Variants in CPED1 observed in about 807,000 individuals in gnomAD.
CPED1 encodes the protein cadherin-like and PC-esterase domain-containing protein 1.
In CPED1, 114 loss-of-function variants were observed where a neutral mutation model predicts 128.2. The observed-to-expected ratio is 0.89, with a 90% CI of 0.76 to 1.04. The LOEUF is 1.04. Among genes scored for constraint, CPED1 ranks in the 50% least tolerant of loss-of-function variants. The pLI is 0.00. For missense variants in CPED1, 1,211 were observed against 1,207.1 expected, an observed-to-expected ratio of 1.00 and a Z score of -0.05; for synonymous variants, 462 against 426.7, an observed-to-expected ratio of 1.08 and a Z score of -1.02.
At chr7:121,018,437 G>A (rs1792359338) in intron 3 of CPED1, among the ~76,000 whole-genome samples, 2 of 152,066 alleles carry the variant, frequency 1.3e-5, no homozygotes, top group Non-Finnish European at 2.9e-5. Context: ...TGAGCAGCCT[G>A]GGGGAAGAGG....
At chr7:121,204,205 TA>T (rs1226077638) in intron 16 of CPED1, among the ~76,000 whole-genome samples, 1 of 152,038 alleles carries the variant, frequency 6.6e-6, no homozygotes, top group African/African-American at 2.4e-5. Flanking sequence ...CGGGTTAGGT[TA>T]AAAAAAATTA....
chr7:121,244,303 A>C lies in CPED1; in HGVS notation c.2275A>C (p.Lys759Gln), dbSNP rs1393679882. ...CAACTGCCAATATGGTGTCCTAACTAAGCCTCAACTCCAGCAGTGCCTGGG... is the reference window on the plus strand; with the variant it reads ...CAACTGCCAATATGGTGTCCTAACTCAGCCTCAACTCCAGCAGTGCCTGGG... Reference protein sequence around the residue: ...PHNCQYGVLTKPQLQQCLGGR... With the variant: ...PHNCQYGVLTQPQLQQCLGGR... Residue 759 changes from lysine (K) to glutamine (Q), a missense_variant, in exon 18 of 23, where the codon AAG becomes CAG. Coordinates refer to ENST00000310396, the MANE Select transcript of CPED1 (RefSeq NM_024913.5). 1 of 1,614,136 alleles carries C rather than the reference A, an allele frequency of 6.2e-7. No homozygotes were observed. The highest frequency in any genetic ancestry group is 8.5e-7 in the Non-Finnish European group (1 of 1,180,000).
intron 13 of CPED1, among the ~76,000 whole-genome samples, chr7:121,134,937 C>G (rs939323525): frequency 4.0e-5 from 6 of 151,642 alleles, no homozygotes; most frequent in Non-Finnish European, 7.4e-5. Context: ...CATAAATTAT[C>G]AACAAATTAA....
intron 4 of CPED1, among the ~76,000 whole-genome samples, chr7:121,056,079 A>G (rs896474296): frequency 6.6e-6 from 1 of 152,264 alleles, no homozygotes; most frequent in South Asian, 2.1e-4. Flanking sequence ...ATGATTAATC[A>G]CATGGAAATG....
intron 17 of CPED1, among the ~76,000 whole-genome samples, chr7:121,238,780 CATT>C (rs1340831116): frequency 6.6e-6 from 1 of 150,564 alleles, no homozygotes; most frequent in East Asian, 1.9e-4. Flanking sequence ...ACAGTGTACT[CATT>C]AATACATCAA....
intron 7 of CPED1, among the ~76,000 whole-genome samples, chr7:121,122,933 CTG>C (rs1262421137): frequency 6.6e-6 from 1 of 152,076 alleles, no homozygotes; most frequent in African/African-American, 2.4e-5. Flanking sequence ...ACCTTAACCT[CTG>C]TGATATTCAG....
chr7:121,284,272 C>T (rs1286115537), intron 22 of CPED1, among the ~76,000 whole-genome samples: 3 of 152,132 alleles, frequency 2.0e-5, no homozygotes, highest in Middle Eastern at 3.2e-3. Flanking sequence ...ATACCTCCCA[C>T]GAGGTCCCTC....
Position 121,295,776 on chromosome 7 carries a change from C to A in CPED1, c.*124C>A. 1 of 673,916 alleles carries A rather than the reference C, an allele frequency of 1.5e-6. No individual in the cohort carries two copies. The allele number at this position is 673,916 out of a possible 1,614,324, so 41.7% of individuals were successfully genotyped here. ...GACCACACACACTTGTGCACACCAG[C>A]ACATGCATGCACACCAGTACACACA... is the stretch of plus-strand genomic sequence containing the variant. On this transcript the variant is annotated 3_prime_UTR_variant, in exon 23 of 23. Coordinates refer to ENST00000310396, the MANE Select transcript of CPED1 (RefSeq NM_024913.5).
At chr7:121,015,466 T>C (rs1792277058) in intron 2 of CPED1, among the ~76,000 whole-genome samples, 199 bp from the exon 3 acceptor site, 1 of 152,250 alleles carries the variant, frequency 6.6e-6, no homozygotes, top group Non-Finnish European at 1.5e-5. Flanking sequence ...TCTGTTACAG[T>C]GAGGACAATT....
chr7:120,994,003 G>T (rs1321678512), intron 2 of CPED1: 1 of 283,496 alleles, frequency 3.5e-6, no homozygotes, highest in Non-Finnish European at 7.4e-6. Context: ...TTTTCAATCA[G>T]TACTGTGAGT....
In CPED1 at chr7:121,123,714, G is replaced by T. The variant is rs577200764; in HGVS notation, c.919-617G>T. ...TTTTTGTAATACTGCCCTATCACAT[G>T]AAATAATTAAGAATTAAAACATTAA... On this transcript the variant is annotated intron_variant, in intron 7 of 22. Coordinates refer to ENST00000310396, the MANE Select transcript of CPED1 (RefSeq NM_024913.5). Among the ~76,000 whole-genome samples, 209 of 152,196 alleles carry T rather than the reference G, an allele frequency of 1.4e-3. 1 individual carries two copies. The highest frequency in any genetic ancestry group is 6.4e-3 in the Admixed American group (98 of 15,282).
intron 16 of CPED1, among the ~76,000 whole-genome samples, chr7:121,233,749 A>G (rs1438947558): frequency 6.6e-6 from 1 of 152,082 alleles, no homozygotes; most frequent in East Asian, 1.9e-4. Flanking sequence ...TGTGGCATTT[A>G]AATTATAAGT....
At chr7:121,266,593 T>C in intron 19 of CPED1, 114 bp from the exon 20 acceptor site, 1 of 1,159,378 alleles carries the variant, frequency 8.6e-7, no homozygotes, top group East Asian at 2.4e-5. Context: ...AGTTGGAAAG[T>C]ACAAGGAGTC....
intron 3 of CPED1, among the ~76,000 whole-genome samples, chr7:121,018,260 T>G (rs1388328994): frequency 1.3e-5 from 2 of 152,182 alleles, no homozygotes; most frequent in African/African-American, 4.8e-5. Flanking sequence ...TAAATTATGT[T>G]TGAATTGAGG....
Position 121,127,219 on chromosome 7 carries a change from G to A in CPED1, c.1264G>A (p.Glu422Lys), listed in dbSNP as rs1204757467. ...TGAATCATCACTTTCCATATTTTCT[G>A]AGATATTTCAGAGACTTTATAGATC... ...PNESSLSIFSEIFQRLYRSDV... is the reference protein window; with the variant it reads ...PNESSLSIFSKIFQRLYRSDV... The change falls in exon 10 of 23, where the codon GAG becomes AAG. Residue 422 changes from glutamate to lysine, a missense_variant. Coordinates refer to ENST00000310396, the MANE Select transcript of CPED1 (RefSeq NM_024913.5). 1 of 1,591,232 alleles carries A rather than the reference G, an allele frequency of 6.3e-7. No individual in the cohort carries two copies. The highest frequency in any genetic ancestry group is 1.1e-5 in the South Asian group (1 of 90,282).
In CPED1 at chr7:121,236,773, C is replaced by T; in HGVS notation, c.2115C>T (p.Asp705=). 1.2e-6 allele frequency: 2 copies of T among 1,610,090 alleles called. No individual in the cohort carries two copies. Among genetic ancestry groups the T allele is most frequent in the Non-Finnish European group, 1.7e-6 (2 of 1,178,406 alleles). ...ETCGLQPISS[D]YIEAILQSEL... The stretch of plus-strand genomic sequence containing the variant: ...GTGGGTTACAGCCTATTTCTTCTGA[C>T]TACATTGAAGCCATTTTACAGTCTG... Residue 705 remains aspartate, a synonymous_variant, in exon 17 of 23, where the codon GAC becomes GAT. Coordinates refer to ENST00000310396, the MANE Select transcript of CPED1 (RefSeq NM_024913.5).
chr7:121,101,783 G>A (rs1191775748), intron 7 of CPED1, among the ~76,000 whole-genome samples: 10 of 151,988 alleles, frequency 6.6e-5, no homozygotes. Context: ...CAAGAGAGAT[G>A]CCAGGCTCTT....
intron 4 of CPED1, among the ~76,000 whole-genome samples, chr7:121,052,417 T>C (rs187452269): frequency 6.6e-6 from 1 of 152,326 alleles, no homozygotes; most frequent in East Asian, 1.9e-4. Flanking sequence ...GCTTTCGTGG[T>C]CAACCCTTTG....
chr7:121,188,916 C>T (rs574000384), intron 16 of CPED1, among the ~76,000 whole-genome samples: 13 of 152,084 alleles, frequency 8.5e-5, no homozygotes, highest in Non-Finnish European at 1.9e-4. Flanking sequence ...ATGCTCCTTG[C>T]ACATGAGTAT....
Sources: allele counts gnomAD v4.1 joint callset (sites outside exome capture counted in the v4.1 genomes callset), GRCh38; gene constraint gnomAD v4.1.1; transcripts MANE v1.5; gene names NCBI Gene and HGNC (gene_info 2026-07-23, HGNC 2026-07-21).